Variants in SPAST observed in about 807,000 individuals in gnomAD.
SPAST encodes spastic paraplegia 4 (autosomal dominant; spastin).
Under a neutral mutation model 76.6 loss-of-function variants are expected in SPAST, and 30 were observed. The observed-to-expected ratio is 0.39, with a 90% CI of 0.29 to 0.53. The LOEUF is 0.53. SPAST is among the 20% of genes least tolerant of loss of function. The pLI, the probability that SPAST is intolerant of heterozygous loss-of-function variation, is 0.68. For synonymous variants in SPAST, 305 were observed against 281.0 expected (o/e 1.09, Z -0.86); for missense variants, 717 against 770.5 (o/e 0.93, Z 0.82).
intron 1 of SPAST, 59 bp from the exon 2 acceptor site, chr2:32,087,433 A>G (rs766937447): frequency 1.9e-5 from 20 of 1,033,180 alleles, no homozygotes; most frequent in Middle Eastern, 2.1e-4. Flanking sequence ...CAACAGCATG[A>G]TTTGCAATAT....
intron 1 of SPAST, among the ~76,000 whole-genome samples, chr2:32,087,088 G>C (rs1183290661): frequency 1.3e-5 from 2 of 152,222 alleles, no homozygotes; most frequent in Admixed American, 6.5e-5. Context: ...GAGGTACCCA[G>C]CAATGAACAC....
chr2:32,075,799 C>T (rs986360875), intron 1 of SPAST, among the ~76,000 whole-genome samples: 2 of 150,002 alleles, frequency 1.3e-5, no homozygotes, highest in Non-Finnish European at 3.0e-5. Flanking sequence ...AGTGATCCCC[C>T]CTCCTTGGCC....
rs1249672788 is a variant in SPAST, at chr2:32,156,143, A to G, written c.*1647A>G. 6.6e-6 allele frequency: 1 copy of G among 152,080 alleles called. No individual in the cohort carries two copies. Among genetic ancestry groups the G allele is most frequent in the African/African-American group, 2.4e-5 (1 of 41,340 alleles). The allele number at this position is 152,080 out of a possible 1,614,324, so 9.4% of individuals were successfully genotyped here. On this transcript the variant is annotated 3_prime_UTR_variant, in exon 17 of 17. Coordinates refer to ENST00000315285, the MANE Select transcript of SPAST (RefSeq NM_014946.4). ...AACCTCCGCCTCCCAGGTTCAAGCA[A>G]TTCTCCTGCCTCAGCCTCCCGAGTA...
At chr2:32,082,627 C>T (rs980105921) in intron 1 of SPAST, among the ~76,000 whole-genome samples, 3 of 151,758 alleles carry the variant, frequency 2.0e-5, no homozygotes, top group East Asian at 3.9e-4. Flanking sequence ...ACCTGTGAGG[C>T]GGAGGTTCCA....
chr2:32,140,778 A>G (rs964923632), intron 12 of SPAST, among the ~76,000 whole-genome samples: 2 of 151,946 alleles, frequency 1.3e-5, no homozygotes, highest in African/African-American at 4.8e-5. Context: ...GATAAAAAAA[A>G]TTAAATTTTT....
intron 16 of SPAST, among the ~76,000 whole-genome samples, chr2:32,149,830 T>A (rs745536920): frequency 4.6e-5 from 7 of 152,190 alleles, no homozygotes; most frequent in Non-Finnish European, 8.8e-5. Flanking sequence ...GATTTTGCTA[T>A]CTATGGGGGA....
chr2:32,073,338 T>A (rs1378017281), intron 1 of SPAST, among the ~76,000 whole-genome samples: 1 of 152,156 alleles, frequency 6.6e-6, no homozygotes, highest in African/African-American at 2.4e-5. Context: ...TGGCTGGATA[T>A]TGAATTATTG....
chr2:32,121,663 C>T (rs986810715), intron 7 of SPAST, among the ~76,000 whole-genome samples: 3 of 151,468 alleles, frequency 2.0e-5, no homozygotes, highest in African/African-American at 7.3e-5. Flanking sequence ...GCCTCAGCCT[C>T]CCAAGCAGCT....
chr2:32,112,070 A>G (rs1678636015), intron 4 of SPAST, among the ~76,000 whole-genome samples: 1 of 149,706 alleles, frequency 6.7e-6, no homozygotes, highest in South Asian at 2.1e-4. Context: ...CTCCTGCCTC[A>G]GCCTCCTGAG....
chr2:32,143,192 C>A, intron 13 of SPAST, 144 bp from the exon 14 acceptor site: 1 of 561,832 alleles, frequency 1.8e-6, no homozygotes, highest in South Asian at 2.2e-5. Flanking sequence ...TGCTTGAACC[C>A]AGGATATCGA....
chr2:32,082,005 CTTTTTTTTTTTT>C (rs35493322), intron 1 of SPAST, among the ~76,000 whole-genome samples: 1 of 71,214 alleles, frequency 1.4e-5, no homozygotes, highest in African/African-American at 5.3e-5. Flanking sequence ...AGTTCTCTCT[CTTTTTTTTTTTT>C]TTTTTTTTTT....
chr2:32,116,280 T>G (rs1310788852), intron 7 of SPAST, 68 bp downstream of exon 7: 4 of 963,136 alleles, frequency 4.2e-6, no homozygotes, highest in Non-Finnish European at 6.7e-6. Flanking sequence ...GTAGTAGTAG[T>G]AAAGAAATAT....
At position 32,087,224 on chromosome 2, in the gene SPAST, A is replaced by T. The variant is rs79943597; in HGVS notation, c.416-268A>T. Among the ~76,000 whole-genome samples the T allele has an allele frequency of 0.022, 3,405 of 152,310 alleles. 107 individuals carry two copies. Among genetic ancestry groups the T allele is most frequent in the African/African-American group, 0.077 (3,188 of 41,568 alleles). ...TAAATAAAATGTCTTTCTGTAATAC[A>T]GCATTTTAGGTTATAAGGATCAATA... On this transcript the variant is annotated intron_variant, in intron 1 of 16. Transcript: ENST00000315285.
At chr2:32,118,141 C>T (rs1678904734) in intron 7 of SPAST, among the ~76,000 whole-genome samples, 1 of 152,120 alleles carries the variant, frequency 6.6e-6, no homozygotes. Flanking sequence ...CTACCTGCAA[C>T]ATGTAGTGGA....
intron 6 of SPAST, 72 bp from the exon 7 acceptor site, chr2:32,116,047 G>A: frequency 8.7e-7 from 1 of 1,145,450 alleles, no homozygotes; most frequent in Non-Finnish European, 1.3e-6. Context: ...ATATGTCATA[G>A]GGCTTAGGCT....
intron 12 of SPAST, among the ~76,000 whole-genome samples, chr2:32,139,845 A>G (rs914135205): frequency 2.6e-5 from 4 of 151,806 alleles, no homozygotes; most frequent in African/African-American, 7.3e-5. Flanking sequence ...ATTAAAAAAA[A>G]AAAAAGAAAA....
intron 4 of SPAST, among the ~76,000 whole-genome samples, chr2:32,111,446 GTATAGTA>G (rs1295350984): frequency 6.8e-6 from 1 of 146,336 alleles, no homozygotes; most frequent in Non-Finnish European, 1.5e-5. Context: ...ATAGTATACT[GTATAGTA>G]TATAGAGTAT....
chr2:32,069,211 T>C (rs1297845404), intron 1 of SPAST, among the ~76,000 whole-genome samples: 2 of 135,838 alleles, frequency 1.5e-5, no homozygotes, highest in Non-Finnish European at 3.2e-5. Context: ...AGACTCCATC[T>C]CTCAAAAAAA....
At chr2:32,091,711 G>A (rs1677726317) in intron 3 of SPAST, among the ~76,000 whole-genome samples, 1 of 151,912 alleles carries the variant, frequency 6.6e-6, no homozygotes, top group Non-Finnish European at 1.5e-5. Flanking sequence ...GCGGGCACCT[G>A]TAGTCCCAGC....
Sources: allele counts gnomAD v4.1 joint callset (sites outside exome capture counted in the v4.1 genomes callset), GRCh38; gene constraint gnomAD v4.1.1; transcripts MANE v1.5; gene names NCBI Gene and HGNC (gene_info 2026-07-23, HGNC 2026-07-21).